Variants in OSBPL1A observed in about 807,000 individuals in gnomAD.
The protein encoded by OSBPL1A is oxysterol binding protein like 1A, also known as oxysterol-binding protein-related protein 1.
In OSBPL1A, 80 loss-of-function variants were observed where a neutral mutation model predicts 137.1. The ratio of observed to expected loss-of-function variants is 0.58; its 90% CI spans 0.49 to 0.70. The LOEUF is 0.70. OSBPL1A is among the 30% of genes least tolerant of loss of function. The probability of loss-of-function intolerance (pLI) is 0.00; values close to 1 mark genes in which losing one functional copy is unlikely to be tolerated. For synonymous variants in OSBPL1A, 365 were observed against 389.7 expected (o/e 0.94, Z 0.75); for missense variants, 970 against 1,129.4 (o/e 0.86, Z 2.02).
chr18:24,295,616 T>C (rs1311973364), intron 14 of OSBPL1A, among the ~76,000 whole-genome samples: 2 of 152,238 alleles, frequency 1.3e-5, no homozygotes, highest in African/African-American at 4.8e-5. Flanking sequence ...TTCATTCTTA[T>C]ACATGTGGCT....
chr18:24,230,393 G>C (rs1213551161), intron 16 of OSBPL1A, among the ~76,000 whole-genome samples: 2 of 152,046 alleles, frequency 1.3e-5, no homozygotes, highest in East Asian at 1.9e-4. Context: ...ACTCAAAAAG[G>C]GTCACGTTGG....
intron 13 of OSBPL1A, among the ~76,000 whole-genome samples, chr18:24,307,389 T>C (rs992817302): frequency 6.6e-6 from 1 of 152,360 alleles, no homozygotes; most frequent in Admixed American, 6.5e-5. Flanking sequence ...TTTGTAACTT[T>C]CTTAGGGTTT....
chr18:24,365,186 TAA>T (rs935816986), intron 4 of OSBPL1A, among the ~76,000 whole-genome samples: 3 of 152,050 alleles, frequency 2.0e-5, no homozygotes, highest in Admixed American at 6.6e-5. Context: ...TATTCAGCCA[TAA>T]AAAAGACCAA....
At chr18:24,251,170 G>A (rs1173647496) in intron 15 of OSBPL1A, among the ~76,000 whole-genome samples, 19 of 152,182 alleles carry the variant, frequency 1.2e-4, no homozygotes, top group Non-Finnish European at 2.9e-5. Context: ...ACCTATTTGG[G>A]GCCTGGGGAA....
At chr18:24,369,534 TA>T (rs1905448727) in intron 2 of OSBPL1A, among the ~76,000 whole-genome samples, 2 of 152,254 alleles carry the variant, frequency 1.3e-5, no homozygotes, top group Admixed American at 1.3e-4. Flanking sequence ...CTACTGTAGA[TA>T]GCAGTACCTC....
At chr18:24,303,562 A>G in intron 14 of OSBPL1A, 75 bp downstream of exon 14, 1 of 1,181,076 alleles carries the variant, frequency 8.5e-7, no homozygotes, top group Non-Finnish European at 1.2e-6. Context: ...TTTAAAAATG[A>G]AGTCAAACAA....
intron 16 of OSBPL1A, among the ~76,000 whole-genome samples, chr18:24,228,419 C>A (rs1379691163): frequency 6.6e-6 from 1 of 152,130 alleles, no homozygotes; most frequent in Admixed American, 6.5e-5. Context: ...TTCCACATTG[C>A]AAAGTACAAT....
intron 17 of OSBPL1A, among the ~76,000 whole-genome samples, chr18:24,223,749 C>CT (rs746987140): frequency 1.3e-5 from 2 of 152,122 alleles, no homozygotes; most frequent in African/African-American, 2.4e-5. Flanking sequence ...TCCCCTGTAG[C>CT]TACAGCAGAG....
chr18:24,356,635 C>T (rs906039421), intron 4 of OSBPL1A, among the ~76,000 whole-genome samples: 1 of 152,122 alleles, frequency 6.6e-6, no homozygotes, highest in Non-Finnish European at 1.5e-5. Flanking sequence ...TGGTACAACC[C>T]TCACATTGCC....
intron 1 of OSBPL1A, among the ~76,000 whole-genome samples, chr18:24,390,082 C>A (rs1907216143): frequency 6.6e-6 from 1 of 152,188 alleles, no homozygotes; most frequent in Admixed American, 6.5e-5. Flanking sequence ...GTGCCCTTTT[C>A]AGGAATAGAG....
chr18:24,318,212 A>G (rs34246807), intron 9 of OSBPL1A, among the ~76,000 whole-genome samples: 20,270 of 151,992 alleles, frequency 0.13, 1,422 homozygotes, highest in South Asian at 0.16. Flanking sequence ...CTGGGAGGCC[A>G]AGGCGGGTGG....
chr18:24,175,091 T>G (rs1483969411), intron 21 of OSBPL1A, among the ~76,000 whole-genome samples: 7 of 132,156 alleles, frequency 5.3e-5, no homozygotes, highest in Admixed American at 3.3e-4. Context: ...CTTCATGTGC[T>G]TATTTGCCAT....
intron 17 of OSBPL1A, among the ~76,000 whole-genome samples, chr18:24,201,475 T>C (rs143379274): frequency 6.6e-6 from 1 of 152,306 alleles, no homozygotes; most frequent in African/African-American, 2.4e-5. Context: ...AATTACCTGT[T>C]ATTTGGGCCC....
At chr18:24,322,494 A>G (rs1282147402) in intron 7 of OSBPL1A, among the ~76,000 whole-genome samples, 1 of 152,080 alleles carries the variant, frequency 6.6e-6, no homozygotes, top group Non-Finnish European at 1.5e-5. Context: ...GGCTGGTGAT[A>G]CATTACTTCT....
chr18:24,228,109 A>G (rs1438365378), intron 16 of OSBPL1A, among the ~76,000 whole-genome samples: 1 of 152,062 alleles, frequency 6.6e-6, no homozygotes, highest in Admixed American at 6.5e-5. Context: ...ACGACCCACA[A>G]ACTCATCAGT....
chr18:24,343,333 A>T (rs993305057), intron 4 of OSBPL1A, among the ~76,000 whole-genome samples: 3 of 152,196 alleles, frequency 2.0e-5, no homozygotes, highest in Admixed American at 2.0e-4. Context: ...AAAATGACAT[A>T]AATAAATGGG....
At chr18:24,179,614 A>C in intron 20 of OSBPL1A, 124 bp downstream of exon 20, 1 of 757,972 alleles carries the variant, frequency 1.3e-6, no homozygotes, top group Non-Finnish European at 2.2e-6. Context: ...CTATCCTAGA[A>C]ACAAACATCA....
At chr18:24,215,606 G>A (rs1039278421) in intron 17 of OSBPL1A, among the ~76,000 whole-genome samples, 2 of 152,022 alleles carry the variant, frequency 1.3e-5, no homozygotes, top group African/African-American at 4.8e-5. Flanking sequence ...AGCAAATAAG[G>A]CCAAAGAACT....
intron 14 of OSBPL1A, 113 bp downstream of exon 14, chr18:24,303,524 A>G (rs377338752): frequency 2.9e-5 from 22 of 763,998 alleles, no homozygotes; most frequent in African/African-American, 1.9e-4. Context: ...TTTATCAAAT[A>G]TAACTCTTAA....
Sources: allele counts gnomAD v4.1 joint callset (sites outside exome capture counted in the v4.1 genomes callset), GRCh38; gene constraint gnomAD v4.1.1; transcripts MANE v1.5; gene names NCBI Gene and HGNC (gene_info 2026-07-23, HGNC 2026-07-21).